SEMA5A: variants seen among roughly 807,000 people sequenced by gnomAD.
SEMA5A encodes the protein semaphorin-5A.
Under a neutral mutation model 135.5 loss-of-function variants are expected in SEMA5A, and 55 were observed. The ratio of observed to expected loss-of-function variants is 0.41; its 90% CI spans 0.33 to 0.51. SEMA5A has a LOEUF of 0.51. Ranked by LOEUF, SEMA5A falls within the 20% of genes least tolerant of loss-of-function variation. The probability of loss-of-function intolerance (pLI) is 0.37; values close to 1 mark genes in which losing one functional copy is unlikely to be tolerated. For missense variants in SEMA5A, 1,290 were observed against 1,419.9 expected (o/e 0.91, Z 1.47); for synonymous variants, 580 against 546.5 (o/e 1.06, Z -0.85).
chr5:9,194,721 C>T (rs1283631248), intron 10 of SEMA5A, among the ~76,000 whole-genome samples: 1 of 152,194 alleles, frequency 6.6e-6, no homozygotes, highest in Non-Finnish European at 1.5e-5. Context: ...CAGAGAAGAA[C>T]AGCTCAGGAA....
intron 15 of SEMA5A, among the ~76,000 whole-genome samples, chr5:9,118,183 C>A (rs1560933191): frequency 6.6e-6 from 1 of 152,132 alleles, no homozygotes; most frequent in Admixed American, 6.5e-5. Flanking sequence ...AATTAAAATG[C>A]ACTGAAAGTC....
At chr5:9,230,354 G>C (rs1747561374) in intron 6 of SEMA5A, among the ~76,000 whole-genome samples, 11 of 152,000 alleles carry the variant, frequency 7.2e-5, no homozygotes, top group Non-Finnish European at 1.5e-5. Context: ...GAACCAGCAT[G>C]TTGGTCAGAA....
At chr5:9,288,162 C>T (rs1312844963) in intron 5 of SEMA5A, among the ~76,000 whole-genome samples, 5 of 152,154 alleles carry the variant, frequency 3.3e-5, no homozygotes, top group East Asian at 1.9e-4. Flanking sequence ...ATAGGAATTA[C>T]GTGACACCAT....
chr5:9,414,176 AATC>A (rs1348151831), intron 2 of SEMA5A, among the ~76,000 whole-genome samples: 1 of 152,242 alleles, frequency 6.6e-6, no homozygotes, highest in Non-Finnish European at 1.5e-5. Context: ...ACGTTATTAT[AATC>A]ATCATATTTC....
chr5:9,298,525 C>T (rs879394326), intron 5 of SEMA5A, among the ~76,000 whole-genome samples: 5 of 152,192 alleles, frequency 3.3e-5, no homozygotes, highest in Non-Finnish European at 7.3e-5. Flanking sequence ...ACAGAAGTAT[C>T]ACAACCCAGT....
rs1751409520 is a variant in SEMA5A, at chr5:9,297,712, G to A, written c.270+20660C>T. 2.5e-5 allele frequency among the ~76,000 whole-genome samples: 3 copies of A among 119,176 alleles called. No homozygotes were observed. In the South Asian group the frequency reaches 9.2e-4, roughly 37 times the overall value. 78.2% of individuals were successfully genotyped at this position (119,176 alleles called of 152,430 possible). A position where few individuals can be genotyped will look rare whatever the true frequency, so the allele number is the denominator to read the frequency against. On this transcript the variant is annotated intron_variant, in intron 5 of 22. Coordinates refer to ENST00000382496, the MANE Select transcript of SEMA5A (RefSeq NM_003966.3). Reference sequence around the variant, plus strand: ...TGGGACTACAGGTACATGCCACCATGTCAAGCTATTTTTTTTTTTTTGTAT... The same window carrying A: ...TGGGACTACAGGTACATGCCACCATATCAAGCTATTTTTTTTTTTTTGTAT...
At chr5:9,166,202 G>A (rs1349506456) in intron 11 of SEMA5A, among the ~76,000 whole-genome samples, 1 of 152,104 alleles carries the variant, frequency 6.6e-6, no homozygotes, top group East Asian at 1.9e-4. Context: ...GGCACTAGGG[G>A]ATGCAGCCTG....
At chr5:9,440,960 A>G (rs1758210617) in intron 1 of SEMA5A, among the ~76,000 whole-genome samples, 1 of 152,260 alleles carries the variant, frequency 6.6e-6, no homozygotes, top group Non-Finnish European at 1.5e-5. Flanking sequence ...AGTTTAGTGG[A>G]GTGATGAAAA....
chr5:9,387,715 A>T (rs1358733584), intron 2 of SEMA5A, among the ~76,000 whole-genome samples: 3 of 152,258 alleles, frequency 2.0e-5, no homozygotes, highest in Non-Finnish European at 4.4e-5. Context: ...AAGAATCAAT[A>T]AAACAATAAA....
chr5:9,081,963 A>G (rs1010012023), intron 16 of SEMA5A, among the ~76,000 whole-genome samples: 49 of 152,326 alleles, frequency 3.2e-4, no homozygotes, highest in Middle Eastern at 3.4e-3. Flanking sequence ...CAGGAAAAGC[A>G]TCTGTTGTCA....
At chr5:9,361,298 C>CAAA (rs35091885) in intron 3 of SEMA5A, among the ~76,000 whole-genome samples, 3 of 127,814 alleles carry the variant, frequency 2.3e-5, no homozygotes, top group East Asian at 2.2e-4. Flanking sequence ...GACTCTGTCT[C>CAAA]AAAAAAAAAA....
intron 6 of SEMA5A, among the ~76,000 whole-genome samples, chr5:9,229,361 T>A (rs1252327117): frequency 6.6e-6 from 1 of 152,122 alleles, no homozygotes; most frequent in Non-Finnish European, 1.5e-5. Context: ...TCAGGAGAGT[T>A]CTAAAGGGAA....
chr5:9,104,645 C>A (rs899381662), intron 16 of SEMA5A, among the ~76,000 whole-genome samples: 1 of 152,144 alleles, frequency 6.6e-6, no homozygotes, highest in African/African-American at 2.4e-5. Flanking sequence ...CTTCATATTT[C>A]ATTTGAAAAC....
intron 16 of SEMA5A, among the ~76,000 whole-genome samples, chr5:9,093,575 C>T (rs767761052): frequency 2.0e-5 from 3 of 151,976 alleles, no homozygotes; most frequent in Admixed American, 6.6e-5. Flanking sequence ...GGCCTGGTGG[C>T]GCACGCCTGT....
At chr5:9,461,030 A>G (rs1759037661) in intron 1 of SEMA5A, among the ~76,000 whole-genome samples, 1 of 152,240 alleles carries the variant, frequency 6.6e-6, no homozygotes, top group South Asian at 2.1e-4. Flanking sequence ...TTAACTCCAA[A>G]GATGGATGAG....
At chr5:9,462,357 G>A (rs773581406) in intron 1 of SEMA5A, among the ~76,000 whole-genome samples, 7 of 152,142 alleles carry the variant, frequency 4.6e-5, no homozygotes, top group Non-Finnish European at 8.8e-5. Context: ...GAAAACCAAT[G>A]CTTAGACACT....
chr5:9,141,794 G>A (rs1424352393), intron 12 of SEMA5A, among the ~76,000 whole-genome samples: 1 of 152,066 alleles, frequency 6.6e-6, no homozygotes, highest in African/African-American at 2.4e-5. Flanking sequence ...CTGTATTTCT[G>A]AAAAGTTGAG....
chr5:9,167,183 G>C (rs912790845), intron 11 of SEMA5A, among the ~76,000 whole-genome samples: 2 of 152,152 alleles, frequency 1.3e-5, no homozygotes, highest in African/African-American at 4.8e-5. Context: ...ATTACGACTA[G>C]TGCCTGATGT....
At chr5:9,296,071 G>T (rs1395554796) in intron 5 of SEMA5A, among the ~76,000 whole-genome samples, 2 of 152,156 alleles carry the variant, frequency 1.3e-5, no homozygotes, top group Non-Finnish European at 2.9e-5. Flanking sequence ...TGTGATGCAT[G>T]ATAACTAAGG....
Sources: allele counts gnomAD v4.1 joint callset (sites outside exome capture counted in the v4.1 genomes callset), GRCh38; gene constraint gnomAD v4.1.1; transcripts MANE v1.5; gene names NCBI Gene and HGNC (gene_info 2026-07-23, HGNC 2026-07-21).